The following BSN variants were observed in gnomAD, a reference collection of about 807,000 sequenced individuals.
BSN encodes the protein protein bassoon.
Under a neutral mutation model 264.8 loss-of-function variants are expected in BSN, and 57 were observed. The observed-to-expected ratio is 0.22, with a 90% confidence interval of 0.17 to 0.27. BSN has a LOEUF of 0.27. Ranked by LOEUF, BSN falls within the 10% of genes least tolerant of loss-of-function variation. BSN has a pLI of 1.00. For missense variants in BSN, 4,615 were observed against 5,232.5 expected (o/e 0.88, Z 3.64); for synonymous variants, 2,059 against 2,137.3 (o/e 0.96, Z 1.01).
Position 49,611,171 on chromosome 3 carries a change from C to T in BSN, c.225-13804C>T, listed in dbSNP as rs530352869. ...CTTCCTCCCTAGTCACAAAGGCTTG[C>T]AGTTTTCTCTTAGTTTGTCTTGACT... On this transcript the variant is annotated intron_variant, in intron 1 of 11. Coordinates refer to ENST00000296452, the MANE Select transcript of BSN (RefSeq NM_003458.4). Among the ~76,000 whole-genome samples, 8 of 152,266 alleles carry T rather than the reference C, an allele frequency of 5.3e-5. No individual in the cohort carries two copies. The South Asian group carries it at 1.7e-3, about 32-fold the overall frequency.
At position 49,657,851 on chromosome 3, in the gene BSN, C is replaced by A; in HGVS notation, c.8295C>A (p.Pro2765=). The A allele has an allele frequency of 6.2e-7, 1 of 1,612,556 alleles. No individual in the cohort carries two copies. The highest frequency in any genetic ancestry group is 8.5e-7 in the Non-Finnish European group (1 of 1,179,582). ...GATTTGAAAAAAAGAAGCCAGATCC[C>A]CTGGAGATTGGGTACCAGGCCCACC... The part of the protein sequence containing the change: ...LGRFEKKKPD[P]LEIGYQAHLP... The change falls in exon 5 of 12, where the codon CCC becomes CCA. Residue 2765 remains proline, a synonymous_variant. Transcript: ENST00000296452.
chr3:49,617,619 C>T (rs1049850894), intron 1 of BSN, among the ~76,000 whole-genome samples: 2 of 152,138 alleles, frequency 1.3e-5, no homozygotes, highest in African/African-American at 4.8e-5. Flanking sequence ...TCCTCATTCC[C>T]TTCTTTCTCC....
chr3:49,656,696 G>A lies in BSN; in HGVS notation c.7140G>A (p.Val2380=). The part of the protein sequence containing the change: ...EQLLQLERER[V]ELEKLRQLRL... ...TGCTCCAGCTAGAGCGGGAGCGGGTGGAGTTGGAGAAGCTGCGACAACTTC... is the reference window on the plus strand; with the variant it reads ...TGCTCCAGCTAGAGCGGGAGCGGGTAGAGTTGGAGAAGCTGCGACAACTTC... Residue 2380 remains valine (V), a synonymous_variant, in exon 5 of 12, where the codon GTG becomes GTA. Transcript: ENST00000296452. The A allele has an allele frequency of 6.3e-7, 1 of 1,588,738 alleles. No individual in the cohort carries two copies. Among genetic ancestry groups the A allele is most frequent in the South Asian group, 1.1e-5 (1 of 88,100 alleles).
chr3:49,558,756 A>C (rs1184750900), intron 1 of BSN, among the ~76,000 whole-genome samples: 3 of 152,166 alleles, frequency 2.0e-5, no homozygotes, highest in Non-Finnish European at 4.4e-5. Context: ...AATGGTGACG[A>C]TGTCAAAATT....
At chr3:49,593,788 G>GTTTTTTTTTTTTTTTTTT (rs2051998608) in intron 1 of BSN, among the ~76,000 whole-genome samples, 2 of 137,420 alleles carry the variant, frequency 1.5e-5, no homozygotes, top group Admixed American at 7.3e-5. Context: ...TTTTTTTTTT[G>GTTTTTTTTTTTTTTTTTT]TTTTGTTTTG....
Position 49,650,960 on chromosome 3 carries a change from C to A in BSN, c.1867C>A (p.Pro623Thr). 6.2e-7 allele frequency: 1 copy of A among 1,614,160 alleles called. No homozygotes were observed. Residue 623 changes from proline (P) to threonine (T), a missense_variant, in exon 4 of 12, where the codon CCT becomes ACT. Around this residue, in one of 3 missense-constraint regions of BSN, gnomAD observed 1,197 missense variants for 1,348.0 expected, o/e 0.89. Coordinates refer to ENST00000296452, the MANE Select transcript of BSN (RefSeq NM_003458.4). ...PTKAEPMPKP[P>T]PETTPTPATP... ...TAAAGCTGAGCCCATGCCGAAGCCA[C>A]CTCCAGAGACTACCCCAACCCCTGC...
rs1321991538 is a variant in BSN at position 49,642,929 on chromosome 3, C to T, written c.1295C>T (p.Thr432Ile). 6.2e-7 allele frequency: 1 copy of T among 1,613,976 alleles called. No homozygotes were observed. The highest frequency in any genetic ancestry group is 8.5e-7 in the Non-Finnish European group (1 of 1,180,044). The change falls in exon 3 of 12, where the codon ACT becomes ATT. Residue 432 changes from threonine (T) to isoleucine (I), a missense_variant. Physicochemically the swap from Thr to Ile is moderately conservative, Grantham distance 89. Coordinates refer to ENST00000296452, the MANE Select transcript of BSN (RefSeq NM_003458.4). The surrounding 1 kb of genome is among the most constrained non-coding windows in gnomAD (Gnocchi z 7.0). ...TCTGGACCTGGAGCCCTGCCGAAAA[C>T]TGGGGGAACAACCAGTCCAAAGCAT... The part of the protein sequence containing the change: ...PGSGPGALPK[T>I]GGTTSPKHGR...
intron 1 of BSN, among the ~76,000 whole-genome samples, chr3:49,563,419 C>T (rs2051730293): frequency 6.6e-6 from 1 of 152,202 alleles, no homozygotes. Context: ...GCTCTGGCAG[C>T]AGCCAGTGGG....
intron 6 of BSN, 21 bp from the exon 7 acceptor site, chr3:49,662,855 T>C (rs758602114): frequency 2.0e-6 from 3 of 1,537,778 alleles, no homozygotes; most frequent in Non-Finnish European, 2.6e-6. Flanking sequence ...GTTGATGGTA[T>C]TCTGTTTTTG....
intron 1 of BSN, among the ~76,000 whole-genome samples, chr3:49,605,998 ATT>A (rs2052134821): frequency 1.1e-5 from 1 of 92,818 alleles, no homozygotes; most frequent in African/African-American, 4.4e-5. Context: ...AAAAATATAT[ATT>A]TATATATACA....
At chr3:49,601,903 C>G (rs953897834) in intron 1 of BSN, among the ~76,000 whole-genome samples, 1 of 152,166 alleles carries the variant, frequency 6.6e-6, no homozygotes, top group Non-Finnish European at 1.5e-5. Context: ...TGCGTGGTCC[C>G]CAGTTCTGTT....
intron 1 of BSN, among the ~76,000 whole-genome samples, chr3:49,608,482 G>A (rs747892573): frequency 2.0e-5 from 3 of 152,180 alleles, no homozygotes; most frequent in Non-Finnish European, 4.4e-5. Context: ...CTCAGTTACT[G>A]TCTTGAGATG....
intron 11 of BSN, 145 bp from the exon 12 acceptor site, chr3:49,667,445 A>G (rs911438702): frequency 1.3e-5 from 2 of 152,588 alleles, no homozygotes; most frequent in African/African-American, 4.8e-5. Flanking sequence ...CCTGAGTGGC[A>G]TGGCACCCCG....
chr3:49,652,599 C>G lies in BSN; in HGVS notation c.3043C>G (p.Arg1015Gly). 1 of 1,613,428 alleles carries G rather than the reference C, an allele frequency of 6.2e-7. No individual in the cohort carries two copies. The highest frequency in any genetic ancestry group is 8.5e-7 in the Non-Finnish European group (1 of 1,179,914). Residue 1015 changes from arginine to glycine, a missense_variant, in exon 5 of 12, where the codon CGT becomes GGT. Arg to Gly is a moderately radical substitution (Grantham distance 125). Transcript: ENST00000296452. ...TGACAGCAGCCCCAGCCGCAGGCAG[C>G]GTCTAGAAGAAGCAAAGCAGCAGCG... ...DSDSSPSRRQRLEEAKQQRKA... is the reference protein window; with the variant it reads ...DSDSSPSRRQGLEEAKQQRKA...
chr3:49,560,888 C>T (rs2051706864), intron 1 of BSN, among the ~76,000 whole-genome samples: 1 of 152,150 alleles, frequency 6.6e-6, no homozygotes, highest in African/African-American at 2.4e-5. Context: ...ATTCTCTTGG[C>T]CCATTTGTCT....
In BSN at chr3:49,666,973, T is replaced by C. The variant is rs1157837240; in HGVS notation, c.*105-617T>C. ...GGAACAGATGTGAAATCACAAGTGG[T>C]GCTGAAAGTGGGGGAAGGAGGGACA... On this transcript the variant is annotated intron_variant, in intron 11 of 11. Coordinates refer to ENST00000296452, the MANE Select transcript of BSN (RefSeq NM_003458.4). 2.0e-5 allele frequency among the ~76,000 whole-genome samples: 3 copies of C among 152,154 alleles called. No homozygotes were observed. In the East Asian group the frequency reaches 5.8e-4, roughly 29 times the overall value.
chr3:49,615,648 G>T (rs1050130959), intron 1 of BSN, among the ~76,000 whole-genome samples: 3 of 152,212 alleles, frequency 2.0e-5, no homozygotes, highest in Non-Finnish European at 4.4e-5. Context: ...GCAATCACAG[G>T]CTCTTTCTGT....
In BSN at chr3:49,638,929, C is replaced by T. The variant is rs1333990626; in HGVS notation, c.634-3339C>T. Among the ~76,000 whole-genome samples, 1 of 152,132 alleles carries T rather than the reference C, an allele frequency of 6.6e-6. No homozygotes were observed. The highest frequency in any genetic ancestry group is 1.5e-5 in the Non-Finnish European group (1 of 68,020). On this transcript the variant is annotated intron_variant, in intron 2 of 11. Coordinates refer to ENST00000296452, the MANE Select transcript of BSN (RefSeq NM_003458.4). The surrounding 1 kb of genome is among the most constrained non-coding windows in gnomAD (Gnocchi z 4.3). ...TGGGACGTTGGGTGTGGGCTGGGCA[C>T]CCACGGGAAGAACTGAATTTGTGGC... is the stretch of plus-strand genomic sequence containing the variant.
intron 8 of BSN, 128 bp from the exon 9 acceptor site, chr3:49,664,295 C>A: frequency 2.4e-6 from 3 of 1,239,150 alleles, no homozygotes; most frequent in East Asian, 2.4e-5. Context: ...CTTTATTTCC[C>A]TAGCCTCCTT....
Sources: gnomAD v4.1 joint callset for allele counts (sites outside exome capture counted in the v4.1 genomes callset) on GRCh38, gnomAD v4.1.1 for gene constraint, gnomAD v4.1.1 regional missense constraint, Gnocchi (gnomAD v3.1) non-coding constraint, MANE v1.5 for transcripts, NCBI Gene and HGNC (gene_info 2026-07-23, HGNC 2026-07-21) for gene names.